RHBDF2: variants seen among roughly 807,000 people sequenced by gnomAD.
RHBDF2 encodes the protein inactive rhomboid protein 2.
RHBDF2 carries 38 observed loss-of-function variants against 95.2 expected under a neutral mutation model. The observed-to-expected ratio is 0.40, with a 90% CI of 0.31 to 0.52. RHBDF2 has a LOEUF of 0.52. Ranked by LOEUF, RHBDF2 falls within the 20% of genes least tolerant of loss-of-function variation. The pLI is 0.56. For missense variants in RHBDF2, 863 were observed against 1,137.7 expected (o/e 0.76, Z 3.47); for synonymous variants, 442 against 462.0 (o/e 0.96, Z 0.55).
intron 1 of RHBDF2, among the ~76,000 whole-genome samples, chr17:76,495,756 G>C (rs1029172489): frequency 1.3e-5 from 2 of 152,208 alleles, no homozygotes; most frequent in African/African-American, 4.8e-5. Context: ...GCCTCCGGCT[G>C]CATGGAGCCC....
chr17:76,481,623 G>A, intron 2 of RHBDF2, 78 bp from the exon 3 acceptor site: 1 of 1,343,158 alleles, frequency 7.4e-7, no homozygotes, highest in South Asian at 1.3e-5. Flanking sequence ...AGGGCACGCA[G>A]CCCAGACCAA....
Position 76,472,621 on chromosome 17 carries a change from G to A in RHBDF2, c.2064+65C>T, listed in dbSNP as rs773249094. On this transcript the variant is annotated intron_variant, in intron 18 of 18. Coordinates refer to ENST00000675367, the MANE Select transcript of RHBDF2 (RefSeq NM_001005498.4). ...TGTCCCTCTGGCAGATCCCAGGTGGGTGGAATAGGAGCAGCAGGGCTGGCC... is the reference window on the plus strand; with the variant it reads ...TGTCCCTCTGGCAGATCCCAGGTGGATGGAATAGGAGCAGCAGGGCTGGCC... 8.1e-6 allele frequency: 13 copies of A among 1,602,932 alleles called. No individual in the cohort carries two copies. In the African/African-American group the frequency reaches 9.4e-5, roughly 12 times the overall value.
chr17:76,498,823 T>TGTGTGA (rs763823463), intron 1 of RHBDF2, among the ~76,000 whole-genome samples: 21 of 141,094 alleles, frequency 1.5e-4, no homozygotes, highest in Admixed American at 3.6e-4. Context: ...TGTGTGTGTG[T>TGTGTGA]GAGTCTGTGT....
chr17:76,480,556 T>C (rs190274594), intron 3 of RHBDF2, among the ~76,000 whole-genome samples: 1 of 152,128 alleles, frequency 6.6e-6, no homozygotes, highest in Non-Finnish European at 1.5e-5. Context: ...AGCTCTTTTT[T>C]AATTTTTTTT....
intron 6 of RHBDF2, among the ~76,000 whole-genome samples, chr17:76,478,483 C>T (rs942226927): frequency 2.0e-5 from 3 of 152,338 alleles, no homozygotes; most frequent in Middle Eastern, 3.4e-3. Flanking sequence ...GTGCCCAGCA[C>T]GTAACAGGGA....
intron 18 of RHBDF2, 108 bp from the exon 19 acceptor site, chr17:76,472,160 G>A: frequency 8.9e-7 from 1 of 1,119,942 alleles, no homozygotes; most frequent in Non-Finnish European, 1.2e-6. Context: ...CAGGCATGGG[G>A]ACCCCTGAGG....
In RHBDF2 at chr17:76,474,776, C is replaced by G. The variant is rs2073711563; in HGVS notation, c.1256G>C (p.Ser419Thr). ...LVLRNKGVYE[S>T]VKYIQQENFW... is the part of the protein sequence containing the mutation. Reference sequence around the variant, plus strand: ...GTTCTCCTGCTGGATGTACTTCACGCTCTCGTACACACCTTTGTTCCGCAG... The same window carrying G: ...GTTCTCCTGCTGGATGTACTTCACGGTCTCGTACACACCTTTGTTCCGCAG... Residue 419 changes from serine (S) to threonine (T), a missense_variant, in exon 11 of 19, where the codon AGC (serine) becomes ACC (threonine). This residue lies in a region of RHBDF2 where 611 missense variants were observed against 725.5 expected (regional missense o/e 0.84). Transcript: ENST00000675367. 1.2e-6 allele frequency: 2 copies of G among 1,614,068 alleles called. No individual in the cohort carries two copies. The highest frequency in any genetic ancestry group is 1.7e-6 in the Non-Finnish European group (2 of 1,180,034).
chr17:76,494,620 C>T (rs969261535), intron 1 of RHBDF2, among the ~76,000 whole-genome samples: 49 of 152,118 alleles, frequency 3.2e-4, no homozygotes, highest in Non-Finnish European at 4.4e-4. Context: ...GGCATGGTGG[C>T]GGGTGCCTGT....
rs1177853479 is a variant in RHBDF2, at chr17:76,471,161, G to A, written c.*472C>T. ...TGAGAGCCTTATGGATGGGCTCACA[G>A]GGCAGAGGTAGGAGGAGAAAGAGGA... On this transcript the variant is annotated 3_prime_UTR_variant, in exon 19 of 19. Transcript: ENST00000675367. The A allele has an allele frequency of 1.2e-5, 2 of 168,264 alleles. No homozygotes were observed. Among genetic ancestry groups the A allele is most frequent in the East Asian group, 3.3e-4 (2 of 6,100 alleles). The allele number at this position is 168,264 out of a possible 1,614,324, so 10.4% of individuals were successfully genotyped here.
chr17:76,488,921 C>T (rs2074221034), intron 1 of RHBDF2, among the ~76,000 whole-genome samples: 1 of 151,924 alleles, frequency 6.6e-6, no homozygotes, highest in Non-Finnish European at 1.5e-5. Context: ...GTACTCCAGC[C>T]CAGATGACAG....
Position 76,479,724 on chromosome 17 carries a change from G to A in RHBDF2, c.272+9C>T. ...GGGGGGTGCTGGGCTTGGGTGTAGGGGGGCTCACTTGCGGATGCTCTGGGA... is the reference window on the plus strand; with the variant it reads ...GGGGGGTGCTGGGCTTGGGTGTAGGAGGGCTCACTTGCGGATGCTCTGGGA... On this transcript the variant is annotated intron_variant, in intron 4 of 18. Coordinates refer to ENST00000675367, the MANE Select transcript of RHBDF2 (RefSeq NM_001005498.4). 6.2e-7 allele frequency: 1 copy of A among 1,602,508 alleles called. No homozygotes were observed.
chr17:76,485,721 G>A (rs9911568), intron 2 of RHBDF2, among the ~76,000 whole-genome samples: 90,902 of 152,044 alleles, frequency 0.6, 27,643 homozygotes, highest in Middle Eastern at 0.75. Context: ...ACAAGCGCCC[G>A]TCAGCAGATG....
At chr17:76,474,937 C>T in intron 10 of RHBDF2, 93 bp downstream of exon 10, 1 of 1,476,948 alleles carries the variant, frequency 6.8e-7, no homozygotes, top group South Asian at 1.2e-5. Flanking sequence ...CTGCTGGGGC[C>T]AGATTGTTGC....
intron 1 of RHBDF2, among the ~76,000 whole-genome samples, chr17:76,492,263 T>TGA (rs371175140): frequency 1.0e-3 from 158 of 152,178 alleles, no homozygotes; most frequent in African/African-American, 3.6e-3. Context: ...TCCCATGGGT[T>TGA]GAGGCCTCTG....
At chr17:76,480,714 C>T (rs2073939418) in intron 3 of RHBDF2, among the ~76,000 whole-genome samples, 1 of 152,200 alleles carries the variant, frequency 6.6e-6, no homozygotes, top group Non-Finnish European at 1.5e-5. Flanking sequence ...TCGCCATTGT[C>T]TAACTTTTCT....
At chr17:76,476,413 C>G (rs1203076505) in intron 9 of RHBDF2, 1 of 168,346 alleles carries the variant, frequency 5.9e-6, no homozygotes, top group African/African-American at 2.4e-5. Flanking sequence ...TCTGACTCAG[C>G]CTCCCAAAGT....
chr17:76,484,059 C>T lies in RHBDF2; in HGVS notation c.-21-2514G>A, dbSNP rs186200559. On this transcript the variant is annotated intron_variant, in intron 2 of 18. Transcript: ENST00000675367. The stretch of plus-strand genomic sequence containing the variant: ...GGCAGATCACCTGAGGTCGGGAGTT[C>T]GAGACCAGCATGACCAACATGGAGA... Among the ~76,000 whole-genome samples, 634 of 152,108 alleles carry T rather than the reference C, an allele frequency of 4.2e-3. 6 individuals are homozygous for T. The highest frequency in any genetic ancestry group is 0.014 in the Middle Eastern group (4 of 294).
chr17:76,477,143 G>C, intron 8 of RHBDF2, 37 bp downstream of exon 8: 2 of 1,610,916 alleles, frequency 1.2e-6, no homozygotes, highest in Non-Finnish European at 1.7e-6. Flanking sequence ...CCAGGCTGGT[G>C]GCTGGCCTGG....
rs774604581 is a variant in RHBDF2, at chr17:76,478,894, C to G, written c.584G>C (p.Ser195Thr). The change falls in exon 6 of 19, where the codon AGT becomes ACT. Residue 195 changes from serine (S) to threonine (T), a missense_variant. Coordinates refer to ENST00000675367, the MANE Select transcript of RHBDF2 (RefSeq NM_001005498.4). ...PGVLSLTSFTSVRSGYSHLPR... is the reference protein window; with the variant it reads ...PGVLSLTSFTTVRSGYSHLPR... ...CAGGTGGGAGTAGCCAGAACGGACA[C>G]TGGTGAAGGAGGTGAGGGACAGGAC... 1 of 1,612,188 alleles carries G rather than the reference C, an allele frequency of 6.2e-7. No homozygotes were observed. The highest frequency in any genetic ancestry group is 8.5e-7 in the Non-Finnish European group (1 of 1,179,054).
Sources: gnomAD v4.1 joint callset for allele counts (sites outside exome capture counted in the v4.1 genomes callset) on GRCh38, gnomAD v4.1.1 for gene constraint, gnomAD v4.1.1 regional missense constraint, MANE v1.5 for transcripts, NCBI Gene and HGNC (gene_info 2026-07-23, HGNC 2026-07-21) for gene names.